EFNA5: variants seen among roughly 807,000 people sequenced by gnomAD.
EFNA5 encodes ephrin A5.
EFNA5 carries 5 observed loss-of-function variants against 22.9 expected under a neutral mutation model. The ratio of observed to expected loss-of-function variants is 0.22; its 90% CI spans 0.11 to 0.46. The LOEUF is 0.46. Among genes scored for constraint, EFNA5 ranks in the 20% least tolerant of loss-of-function variants. EFNA5 has a pLI of 0.99. For synonymous variants in EFNA5, 113 were observed against 112.2 expected, an observed-to-expected ratio of 1.01 and a Z score of -0.04; for missense variants, 237 against 293.3, an observed-to-expected ratio of 0.81 and a Z score of 1.40.
At chr5:107,470,097 T>C (rs545082290) in intron 1 of EFNA5, among the ~76,000 whole-genome samples, 1 of 152,262 alleles carries the variant, frequency 6.6e-6, no homozygotes, top group South Asian at 2.1e-4. Flanking sequence ...CAGTCTAAAA[T>C]TCATTAGGAG....
chr5:107,450,565 G>A (rs182008641), intron 1 of EFNA5, among the ~76,000 whole-genome samples: 2 of 152,168 alleles, frequency 1.3e-5, no homozygotes, highest in African/African-American at 4.8e-5. Flanking sequence ...TTCTACTTTT[G>A]CTCCAAAAAT....
chr5:107,411,805 C>T (rs971781577), intron 2 of EFNA5, among the ~76,000 whole-genome samples: 3 of 152,172 alleles, frequency 2.0e-5, no homozygotes, highest in South Asian at 2.1e-4. Flanking sequence ...AGGCTGGGCT[C>T]GAGCGACTCT....
chr5:107,516,195 T>TGTGTGC (rs1747475823), intron 1 of EFNA5, among the ~76,000 whole-genome samples: 1 of 151,496 alleles, frequency 6.6e-6, no homozygotes, highest in Non-Finnish European at 1.5e-5. Flanking sequence ...TGTGTGTGTG[T>TGTGTGC]GTGTGTGTGT....
At chr5:107,536,521 T>C (rs148081513) in intron 1 of EFNA5, among the ~76,000 whole-genome samples, 65 of 152,350 alleles carry the variant, frequency 4.3e-4, no homozygotes, top group African/African-American at 1.3e-3. Flanking sequence ...CTTTTGTTTC[T>C]TATATTGCAT....
chr5:107,581,777 T>C (rs981699563), intron 1 of EFNA5, among the ~76,000 whole-genome samples: 13 of 152,142 alleles, frequency 8.5e-5, no homozygotes, highest in African/African-American at 3.1e-4. Flanking sequence ...GGAAAACAGA[T>C]CCTTTTATAT....
At chr5:107,645,264 A>T (rs1750608603) in intron 1 of EFNA5, among the ~76,000 whole-genome samples, 1 of 152,190 alleles carries the variant, frequency 6.6e-6, no homozygotes, top group Non-Finnish European at 1.5e-5. Flanking sequence ...AAGATCAGTA[A>T]ATCTGCCTTG....
chr5:107,572,576 A>G (rs1384366132), intron 1 of EFNA5, among the ~76,000 whole-genome samples: 2 of 152,232 alleles, frequency 1.3e-5, no homozygotes, highest in African/African-American at 4.8e-5. Context: ...CTGCCCTTTT[A>G]GAAGTTAGAG....
intron 1 of EFNA5, among the ~76,000 whole-genome samples, chr5:107,494,156 G>GAGCC (rs1453362067): frequency 6.6e-6 from 1 of 152,190 alleles, no homozygotes; most frequent in African/African-American, 2.4e-5. Context: ...GGCACTTGAG[G>GAGCC]AGCCCTTCAG....
At chr5:107,504,835 A>C (rs1483891384) in intron 1 of EFNA5, among the ~76,000 whole-genome samples, 1 of 152,182 alleles carries the variant, frequency 6.6e-6, no homozygotes, top group East Asian at 1.9e-4. Flanking sequence ...TTTAATCTTT[A>C]GGAATAACCC....
chr5:107,586,847 C>G lies in EFNA5; in HGVS notation c.125+83642G>C, dbSNP rs1749197495. ...TAATTTTGTCTTCAGAAGTTTTCAG[C>G]TGTTAAGCATATCACTGCCTTACCA... On this transcript the variant is annotated intron_variant, in intron 1 of 4. Transcript: ENST00000333274. Among the ~76,000 whole-genome samples the G allele has an allele frequency of 2.6e-5, 4 of 152,140 alleles. No individual in the cohort carries two copies. The South Asian group carries it at 8.3e-4, about 32-fold the overall frequency.
At chr5:107,527,438 C>T (rs1278011752) in intron 1 of EFNA5, among the ~76,000 whole-genome samples, 1 of 152,066 alleles carries the variant, frequency 6.6e-6, no homozygotes, top group Non-Finnish European at 1.5e-5. Flanking sequence ...AGGCATATGC[C>T]ACCATGCCCA....
At chr5:107,657,333 A>T (rs1477229056) in intron 1 of EFNA5, among the ~76,000 whole-genome samples, 3 of 152,120 alleles carry the variant, frequency 2.0e-5, no homozygotes, top group African/African-American at 7.2e-5. Flanking sequence ...GGAGCCACTT[A>T]AGTTCACACA....
At chr5:107,388,564 T>C (rs931337441) in intron 2 of EFNA5, 13 of 152,258 alleles carry the variant, frequency 8.5e-5, no homozygotes, top group African/African-American at 3.1e-4. Flanking sequence ...ATAATAAGAC[T>C]GTAAACTTTC....
At chr5:107,498,790 A>G (rs1747055963) in intron 1 of EFNA5, among the ~76,000 whole-genome samples, 2 of 152,144 alleles carry the variant, frequency 1.3e-5, no homozygotes, top group African/African-American at 4.8e-5. Flanking sequence ...CTATTCCTGA[A>G]TACTAATAAT....
chr5:107,578,051 C>T (rs1580539738), intron 1 of EFNA5, among the ~76,000 whole-genome samples: 1 of 152,282 alleles, frequency 6.6e-6, no homozygotes, highest in Admixed American at 6.5e-5. Flanking sequence ...TCTACTCTCT[C>T]GCCAAACAGC....
chr5:107,476,183 C>G (rs1024256228), intron 1 of EFNA5, among the ~76,000 whole-genome samples: 6 of 149,760 alleles, frequency 4.0e-5, no homozygotes, highest in African/African-American at 1.5e-4. Flanking sequence ...TCCCGAGTAG[C>G]TGGGGTTACA....
chr5:107,519,670 A>G (rs1747554872), intron 1 of EFNA5, among the ~76,000 whole-genome samples: 1 of 152,256 alleles, frequency 6.6e-6, no homozygotes, highest in South Asian at 2.1e-4. Context: ...CTTGGAAAGC[A>G]CACACTGCAG....
At chr5:107,561,796 T>A (rs1748550251) in intron 1 of EFNA5, among the ~76,000 whole-genome samples, 1 of 152,242 alleles carries the variant, frequency 6.6e-6, no homozygotes, top group African/African-American at 2.4e-5. Flanking sequence ...AAGTTCTCCA[T>A]AAAATATTCT....
intron 1 of EFNA5, among the ~76,000 whole-genome samples, chr5:107,568,628 G>C (rs879775647): frequency 1.3e-5 from 2 of 152,226 alleles, no homozygotes; most frequent in Non-Finnish European, 2.9e-5. Context: ...GGAACATGCA[G>C]TGAGGCTAGA....
Sources: gnomAD v4.1 joint callset for allele counts (sites outside exome capture counted in the v4.1 genomes callset) on GRCh38, gnomAD v4.1.1 for gene constraint, MANE v1.5 for transcripts, NCBI Gene and HGNC (gene_info 2026-07-23, HGNC 2026-07-21) for gene names.